Variants in HECTD4 observed in about 807,000 individuals in gnomAD.
HECTD4 encodes the protein probable E3 ubiquitin-protein ligase HECTD4.
Under a neutral mutation model 471.5 loss-of-function variants are expected in HECTD4, and 114 were observed. The observed-to-expected ratio is 0.24, with a 90% CI of 0.21 to 0.28. The LOEUF (loss-of-function observed/expected upper bound fraction) is 0.28. Among genes scored for constraint, HECTD4 ranks in the 10% least tolerant of loss-of-function variants. The probability of loss-of-function intolerance (pLI) is 1.00; values close to 1 mark genes in which losing one functional copy is unlikely to be tolerated. For synonymous variants in HECTD4, 2,012 were observed against 2,256.0 expected, an observed-to-expected ratio of 0.89 and a Z score of 3.07; for missense variants, 3,866 against 5,651.5, an observed-to-expected ratio of 0.68 and a Z score of 10.13.
Position 112,231,515 on chromosome 12 carries a change from T to C in HECTD4, c.6198A>G (p.Ala2066=). 1.2e-6 allele frequency: 2 copies of C among 1,614,018 alleles called. No homozygotes were observed. Among genetic ancestry groups the C allele is most frequent in the Non-Finnish European group, 1.7e-6 (2 of 1,179,860 alleles). ...SICRERNSEL[A]RTDPVRPFIS... is the part of the protein sequence containing the mutation. ...GCTCCTACCTGTGGAAGGTTTACCTTGCAAGCTCCGAGTTCCTCTCTCGGC... is the reference window on the plus strand; with the variant it reads ...GCTCCTACCTGTGGAAGGTTTACCTCGCAAGCTCCGAGTTCCTCTCTCGGC... The change falls in exon 39 of 76, where the codon GCA becomes GCG. Residue 2066 remains alanine (A), a splice_region_variant and synonymous_variant. Transcript: ENST00000682272.
chr12:112,288,010 CTTTT>C (rs770466095), intron 7 of HECTD4, among the ~76,000 whole-genome samples: 1 of 144,012 alleles, frequency 6.9e-6, no homozygotes, highest in Non-Finnish European at 1.5e-5. Flanking sequence ...GGTCAGATGA[CTTTT>C]TTTTTTTTTT....
chr12:112,195,107 G>A (rs1330940558), intron 55 of HECTD4, 41 bp from the exon 56 acceptor site: 8 of 1,534,458 alleles, frequency 5.2e-6, no homozygotes, highest in Non-Finnish European at 6.2e-6. Context: ...AAGCCCTGAT[G>A]CTCCGGCCCC....
intron 1 of HECTD4, among the ~76,000 whole-genome samples, chr12:112,355,193 C>A (rs2036311956): frequency 6.7e-6 from 1 of 149,272 alleles, no homozygotes; most frequent in Non-Finnish European, 1.5e-5. Context: ...GTTGGCCAGG[C>A]TGGTCTCAGA....
intron 1 of HECTD4, among the ~76,000 whole-genome samples, chr12:112,375,674 T>C (rs2036762653): frequency 6.6e-6 from 1 of 152,206 alleles, no homozygotes; most frequent in Non-Finnish European, 1.5e-5. Context: ...AAGAATAATG[T>C]TCTATGAAAT....
intron 1 of HECTD4, among the ~76,000 whole-genome samples, chr12:112,340,532 G>A (rs1003023329): frequency 2.6e-5 from 4 of 152,116 alleles, no homozygotes; most frequent in South Asian, 2.1e-4. Context: ...AAGTATAGAC[G>A]AGCTACTGGC....
chr12:112,205,775 T>C (rs1412857693), intron 52 of HECTD4, among the ~76,000 whole-genome samples: 1 of 151,980 alleles, frequency 6.6e-6, no homozygotes, highest in Non-Finnish European at 1.5e-5. Context: ...GTATTTTTAG[T>C]AGAGATGGGG....
At chr12:112,362,706 ATT>A (rs552642665) in intron 1 of HECTD4, among the ~76,000 whole-genome samples, 1 of 144,810 alleles carries the variant, frequency 6.9e-6, no homozygotes. Flanking sequence ...TAATTCTAAA[ATT>A]TTTTTTTTTT....
intron 44 of HECTD4, among the ~76,000 whole-genome samples, chr12:112,223,438 T>C (rs1175718235): frequency 6.6e-6 from 1 of 152,186 alleles, no homozygotes; most frequent in African/African-American, 2.4e-5. Flanking sequence ...TTCTTCTTTT[T>C]AGACAGAGTC....
chr12:112,194,254 G>A lies in HECTD4; in HGVS notation c.8750-580C>T, dbSNP rs1402892183. ...AGGGCAGCTACCCAGGATGCTGACTGAGCCTAGATTGCTATCTGCAAGTGA... is the reference window on the plus strand; with the variant it reads ...AGGGCAGCTACCCAGGATGCTGACTAAGCCTAGATTGCTATCTGCAAGTGA... On this transcript the variant is annotated intron_variant, in intron 56 of 75. Coordinates refer to ENST00000682272, the MANE Select transcript of HECTD4 (RefSeq NM_001388303.1). The surrounding 1 kb of genome is among the most constrained non-coding windows in gnomAD (Gnocchi z 4.6). 2.0e-5 allele frequency among the ~76,000 whole-genome samples: 3 copies of A among 152,244 alleles called. No homozygotes were observed. The highest frequency in any genetic ancestry group is 3.8e-4 in the East Asian group (2 of 5,206).
chr12:112,251,492 T>C (rs907038168), intron 23 of HECTD4, among the ~76,000 whole-genome samples: 1 of 152,242 alleles, frequency 6.6e-6, no homozygotes, highest in African/African-American at 2.4e-5. Flanking sequence ...TTCCACCCTG[T>C]GCTCAAACTG....
chr12:112,226,038 T>C (rs1027219670), intron 44 of HECTD4, among the ~76,000 whole-genome samples: 13 of 152,318 alleles, frequency 8.5e-5, no homozygotes, highest in Admixed American at 7.8e-4. Flanking sequence ...AAAATACTTA[T>C]GAATAAAATA....
In HECTD4 at chr12:112,194,871, A is replaced by G. The variant is rs764498994; in HGVS notation, c.8749+14T>C. 1.9e-6 allele frequency: 3 copies of G among 1,599,026 alleles called. No individual in the cohort carries two copies. The highest frequency in any genetic ancestry group is 1.7e-6 in the Non-Finnish European group (2 of 1,172,982). On this transcript the variant is annotated intron_variant, in intron 56 of 75. Coordinates refer to ENST00000682272, the MANE Select transcript of HECTD4 (RefSeq NM_001388303.1). The surrounding 1 kb of genome is among the most constrained non-coding windows in gnomAD (Gnocchi z 4.6). Reference sequence around the variant, plus strand: ...GCTAAGTTCCAGAGTGACAGCAGCAAAGCCAAGTTTTACCTGGGAGAGGAG... The same window carrying G: ...GCTAAGTTCCAGAGTGACAGCAGCAGAGCCAAGTTTTACCTGGGAGAGGAG...
Position 112,171,925 on chromosome 12 carries a change from C to T in HECTD4, c.11786-662G>A, listed in dbSNP as rs138834658. Among the ~76,000 whole-genome samples, 338 of 152,134 alleles carry T rather than the reference C, an allele frequency of 2.2e-3. 2 individuals are homozygous for T. The highest frequency in any genetic ancestry group is 7.1e-3 in the African/African-American group (294 of 41,484). ...TGCAATCCTAGTTTTTTTTTGGAGA[C>T]GGAGTTTTGCTCTTGTTGCCCAGGC... On this transcript the variant is annotated intron_variant, in intron 67 of 75. Transcript: ENST00000682272.
At chr12:112,189,016 C>T (rs148698947) in intron 60 of HECTD4, among the ~76,000 whole-genome samples, 4 of 152,298 alleles carry the variant, frequency 2.6e-5, no homozygotes, top group African/African-American at 4.8e-5. Context: ...TGCTTACGTC[C>T]CCCCTATCCA....
intron 37 of HECTD4, 98 bp from the exon 38 acceptor site, chr12:112,233,183 A>T: frequency 1.5e-6 from 1 of 666,628 alleles, no homozygotes; most frequent in South Asian, 1.7e-5. Context: ...AGGCCCTATT[A>T]TACACTAACA....
chr12:112,332,823 A>C lies in HECTD4; in HGVS notation c.178-13081T>G, dbSNP rs191244893. On this transcript the variant is annotated intron_variant, in intron 1 of 75. Transcript: ENST00000682272. The stretch of plus-strand genomic sequence containing the variant: ...CCCCACCCTACTGCAAAAAAAAAAA[A>C]CAAAAATCCTGAACCCATTAGCAGT... Among the ~76,000 whole-genome samples, 347 of 150,944 alleles carry C rather than the reference A, an allele frequency of 2.3e-3. 1 individual carries two copies. Among genetic ancestry groups the C allele is most frequent in the Middle Eastern group, 0.01 (3 of 292 alleles).
chr12:112,332,598 G>T (rs947463832), intron 1 of HECTD4, among the ~76,000 whole-genome samples: 13 of 150,974 alleles, frequency 8.6e-5, no homozygotes, highest in Non-Finnish European at 1.5e-5. Context: ...TTTTCCAGAG[G>T]TCTAGGATAT....
chr12:112,252,502 G>A lies in HECTD4; in HGVS notation c.3474C>T (p.Ser1158=). 1 of 1,612,370 alleles carries A rather than the reference G, an allele frequency of 6.2e-7. No individual in the cohort carries two copies. The highest frequency in any genetic ancestry group is 8.5e-7 in the Non-Finnish European group (1 of 1,178,868). Residue 1158 remains serine (S), a synonymous_variant, in exon 23 of 76, where the codon TCC becomes TCT. Coordinates refer to ENST00000682272, the MANE Select transcript of HECTD4 (RefSeq NM_001388303.1). ...GTTCACGGCCACTTCTCATTTCAAA[G>A]GAGAAGGTGACTGTATCTCCTTCCA... The part of the protein sequence containing the change: ...VKVEGDTVTF[S]FEMRSGREHN...
At chr12:112,251,752 T>G (rs1176699617) in intron 23 of HECTD4, among the ~76,000 whole-genome samples, 1 of 152,174 alleles carries the variant, frequency 6.6e-6, no homozygotes, top group Non-Finnish European at 1.5e-5. Flanking sequence ...GATGCTTAAG[T>G]ACTCTGTTTT....
Sources: gnomAD v4.1 joint callset for allele counts (sites outside exome capture counted in the v4.1 genomes callset) on GRCh38, gnomAD v4.1.1 for gene constraint, Gnocchi (gnomAD v3.1) non-coding constraint, MANE v1.5 for transcripts, NCBI Gene and HGNC (gene_info 2026-07-23, HGNC 2026-07-21) for gene names.